Variants in TRAPPC9 observed in about 807,000 individuals in gnomAD.
TRAPPC9 encodes IKK2 binding protein.
TRAPPC9 carries 83 observed loss-of-function variants against 124.0 expected under a neutral mutation model. The observed-to-expected ratio is 0.67, with a 90% CI of 0.56 to 0.80. TRAPPC9 has a LOEUF of 0.80. Ranked by LOEUF, TRAPPC9 falls within the 30% of genes least tolerant of loss-of-function variation. The pLI is 0.00. For missense variants in TRAPPC9, 1,302 were observed against 1,508.3 expected (o/e 0.86, Z 2.27); for synonymous variants, 638 against 617.5 (o/e 1.03, Z -0.49).
intron 18 of TRAPPC9, among the ~76,000 whole-genome samples, chr8:140,009,263 G>A (rs151223331): frequency 1.3e-5 from 2 of 152,274 alleles, no homozygotes; most frequent in African/African-American, 4.8e-5. Flanking sequence ...TTCAAATATG[G>A]TGCTCTTGTT....
At chr8:140,271,654 C>G (rs1316950014) in intron 15 of TRAPPC9, among the ~76,000 whole-genome samples, 4 of 152,158 alleles carry the variant, frequency 2.6e-5, no homozygotes, top group Non-Finnish European at 5.9e-5. Context: ...TCAACTTCAC[C>G]AATCATCGGG....
chr8:140,168,606 G>A (rs1427088919), intron 17 of TRAPPC9, among the ~76,000 whole-genome samples: 3 of 152,122 alleles, frequency 2.0e-5, no homozygotes, highest in South Asian at 2.1e-4. Flanking sequence ...ATGATTCCTC[G>A]CTGTCCTCAG....
intron 11 of TRAPPC9, among the ~76,000 whole-genome samples, chr8:140,298,382 G>T (rs1399594983): frequency 6.6e-6 from 1 of 152,228 alleles, no homozygotes; most frequent in Admixed American, 6.5e-5. Flanking sequence ...GCTGGACGCA[G>T]AGGTCCCCAC....
intron 17 of TRAPPC9, among the ~76,000 whole-genome samples, chr8:140,186,633 A>G (rs2062360779): frequency 6.6e-6 from 1 of 152,194 alleles, no homozygotes; most frequent in African/African-American, 2.4e-5. Flanking sequence ...AAGCAATACA[A>G]TTTATAAGTA....
At chr8:139,989,185 A>C (rs1205347287) in intron 18 of TRAPPC9, among the ~76,000 whole-genome samples, 1 of 152,206 alleles carries the variant, frequency 6.6e-6, no homozygotes, top group East Asian at 1.9e-4. Flanking sequence ...CTGACTCTAA[A>C]GTCTGATCAT....
intron 4 of TRAPPC9, among the ~76,000 whole-genome samples, chr8:140,433,299 A>G (rs932119362): frequency 6.6e-6 from 1 of 151,880 alleles, no homozygotes; most frequent in African/African-American, 2.4e-5. Flanking sequence ...CTCAAAAAAC[A>G]ACACACAGGC....
At chr8:140,190,022 T>G (rs1399608021) in intron 17 of TRAPPC9, among the ~76,000 whole-genome samples, 2 of 152,200 alleles carry the variant, frequency 1.3e-5, no homozygotes, top group Non-Finnish European at 2.9e-5. Context: ...CTCATAAAGA[T>G]GTGATCAACC....
chr8:139,926,838 A>G (rs947579289), intron 19 of TRAPPC9, among the ~76,000 whole-genome samples: 3 of 152,196 alleles, frequency 2.0e-5, no homozygotes, highest in Non-Finnish European at 4.4e-5. Context: ...TTGAGAAACT[A>G]AACTGCATCA....
At chr8:140,222,383 G>A (rs1427941979) in intron 16 of TRAPPC9, among the ~76,000 whole-genome samples, 3 of 152,110 alleles carry the variant, frequency 2.0e-5, no homozygotes, top group Admixed American at 6.5e-5. Context: ...ATCTCACGTC[G>A]CATGTCCAAC....
At chr8:139,970,463 G>A (rs753018812) in intron 19 of TRAPPC9, among the ~76,000 whole-genome samples, 1 of 152,148 alleles carries the variant, frequency 6.6e-6, no homozygotes, top group Non-Finnish European at 1.5e-5. Context: ...AGGCAGGAGG[G>A]CAGATCTGGG....
At chr8:140,439,601 T>C (rs2070938124) in intron 2 of TRAPPC9, among the ~76,000 whole-genome samples, 1 of 152,232 alleles carries the variant, frequency 6.6e-6, no homozygotes. Flanking sequence ...TGCTGAGTCT[T>C]ATTAGCCAAC....
chr8:139,810,803 CAGGCCAGAGG>C (rs1272176235), intron 21 of TRAPPC9, among the ~76,000 whole-genome samples: 1 of 149,196 alleles, frequency 6.7e-6, no homozygotes, highest in Non-Finnish European at 1.5e-5. Flanking sequence ...CTCCTCTGGC[CAGGCCAGAGG>C]ACAGACCAGG....
chr8:140,272,367 T>TG (rs1322113314), intron 15 of TRAPPC9, among the ~76,000 whole-genome samples: 2 of 146,890 alleles, frequency 1.4e-5, no homozygotes, highest in Non-Finnish European at 3.0e-5. Context: ...GTGGTGGTAG[T>TG]GAGGGTGGTG....
intron 14 of TRAPPC9, 57 bp downstream of exon 14, chr8:140,283,832 T>C: frequency 6.3e-6 from 10 of 1,586,530 alleles, no homozygotes; most frequent in Admixed American, 5.3e-5. Flanking sequence ...AAAAAAAATG[T>C]AGGACCAAAA....
intron 20 of TRAPPC9, among the ~76,000 whole-genome samples, chr8:139,886,816 T>G (rs1200149390): frequency 6.6e-6 from 1 of 152,168 alleles, no homozygotes; most frequent in Non-Finnish European, 1.5e-5. Flanking sequence ...ACCCTGAAGC[T>G]GAGAGGTTCC....
chr8:140,291,703 G>A (rs1241748154), intron 11 of TRAPPC9, among the ~76,000 whole-genome samples: 1 of 152,238 alleles, frequency 6.6e-6, no homozygotes, highest in East Asian at 1.9e-4. Flanking sequence ...ACCCCAATCC[G>A]TTGACTCTGA....
intron 21 of TRAPPC9, among the ~76,000 whole-genome samples, chr8:139,755,014 C>T (rs1006180140): frequency 6.6e-6 from 1 of 152,252 alleles, no homozygotes; most frequent in African/African-American, 2.4e-5. Flanking sequence ...CCAAAGCCAT[C>T]GGTCTTGGCT....
rs569691456 is a variant in TRAPPC9 at position 140,446,249 on chromosome 8, G to A, written c.584+4541C>T. ...GTGGAGTTTGCAGTGAGCCAGGATCGCGCCACTGCACTCCAGCCTGGGCGA... is the reference window on the plus strand; with the variant it reads ...GTGGAGTTTGCAGTGAGCCAGGATCACGCCACTGCACTCCAGCCTGGGCGA... On this transcript the variant is annotated intron_variant, in intron 2 of 22. Transcript: ENST00000438773. Among the ~76,000 whole-genome samples, 276 of 138,446 alleles carry A rather than the reference G, an allele frequency of 2.0e-3. 1 individual carries two copies. The highest frequency in any genetic ancestry group is 6.8e-3 in the African/African-American group (256 of 37,872). 90.8% of individuals were successfully genotyped at this position (138,446 alleles called of 152,430 possible).
At position 139,921,240 on chromosome 8, in the gene TRAPPC9, C is replaced by T. The variant is rs919665863; in HGVS notation, c.2811-10940G>A. On this transcript the variant is annotated intron_variant, in intron 19 of 22. Coordinates refer to ENST00000438773, the MANE Select transcript of TRAPPC9 (RefSeq NM_001160372.4). Reference sequence around the variant, plus strand: ...GTGAGGGCAGGCAGTCATCACATCACGGCAGAAACAGGGATGCCGCCCAGG... The same window carrying T: ...GTGAGGGCAGGCAGTCATCACATCATGGCAGAAACAGGGATGCCGCCCAGG... Among the ~76,000 whole-genome samples the T allele has an allele frequency of 6.6e-5, 10 of 152,226 alleles. No homozygotes were observed. In the East Asian group the frequency reaches 1.5e-3, roughly 23 times the overall value.
Sources: gnomAD v4.1 joint callset for allele counts (sites outside exome capture counted in the v4.1 genomes callset) on GRCh38, gnomAD v4.1.1 for gene constraint, MANE v1.5 for transcripts, NCBI Gene and HGNC (gene_info 2026-07-23, HGNC 2026-07-21) for gene names.